CDH12: variants seen among roughly 807,000 people sequenced by gnomAD.
CDH12 encodes cadherin 12.
Under a neutral mutation model 74.1 loss-of-function variants are expected in CDH12, and 41 were observed. The ratio of observed to expected loss-of-function variants is 0.55; its 90% confidence interval spans 0.43 to 0.72. The LOEUF is 0.72. Among genes scored for constraint, CDH12 ranks in the 30% least tolerant of loss-of-function variants. The pLI is 0.00. For synonymous variants in CDH12, 399 were observed against 355.0 expected, an observed-to-expected ratio of 1.12 and a Z score of -1.39; for missense variants, 945 against 977.2, an observed-to-expected ratio of 0.97 and a Z score of 0.44.
rs1358597343 is a variant in CDH12, at chr5:22,684,242, C to T, written c.-523+168816G>A. Among the ~76,000 whole-genome samples, 3 of 152,098 alleles carry T rather than the reference C, an allele frequency of 2.0e-5. No individual in the cohort carries two copies. In the East Asian group the frequency reaches 5.8e-4, roughly 29 times the overall value. Reference sequence around the variant, plus strand: ...GACATTTTGATTCAGGCATGCAATGCACAGTTATCACATCATGGAGAATGG... The same window carrying T: ...GACATTTTGATTCAGGCATGCAATGTACAGTTATCACATCATGGAGAATGG... On this transcript the variant is annotated intron_variant, in intron 1 of 14. Coordinates refer to ENST00000382254, the MANE Select transcript of CDH12 (RefSeq NM_004061.5).
intron 1 of CDH12, among the ~76,000 whole-genome samples, chr5:22,716,656 G>A (rs978081191): frequency 2.6e-5 from 4 of 151,484 alleles, no homozygotes; most frequent in Admixed American, 6.6e-5. Context: ...CAGGTCCTTC[G>A]GGAGGTATCC....
chr5:22,145,080 G>A (rs1398697206), intron 4 of CDH12, among the ~76,000 whole-genome samples: 1 of 151,996 alleles, frequency 6.6e-6, no homozygotes, highest in African/African-American at 2.4e-5. Flanking sequence ...AAATTAAATT[G>A]CTTTTTGGAA....
intron 4 of CDH12, among the ~76,000 whole-genome samples, chr5:22,149,118 A>G (rs1339197212): frequency 6.6e-6 from 1 of 152,116 alleles, no homozygotes; most frequent in Admixed American, 6.6e-5. Context: ...CTCCGTCTCA[A>G]AAAATAAATA....
chr5:22,229,274 T>G (rs1373232656), intron 3 of CDH12, among the ~76,000 whole-genome samples: 1 of 151,834 alleles, frequency 6.6e-6, no homozygotes, highest in Non-Finnish European at 1.5e-5. Context: ...AGATGGATAC[T>G]TATACCCATT....
At chr5:22,298,220 T>A (rs1737712826) in intron 3 of CDH12, among the ~76,000 whole-genome samples, 1 of 151,334 alleles carries the variant, frequency 6.6e-6, no homozygotes, top group Admixed American at 6.6e-5. Flanking sequence ...TATACATATA[T>A]ACGCATTGTA....
Position 21,813,884 on chromosome 5 carries a change from A to G in CDH12, c.1002+3061T>C, listed in dbSNP as rs375694220. Among the ~76,000 whole-genome samples the G allele has an allele frequency of 2.4e-4, 37 of 152,196 alleles. No homozygotes were observed. The East Asian group carries it at 6.0e-3, about 25-fold the overall frequency. On this transcript the variant is annotated intron_variant, in intron 9 of 14. Transcript: ENST00000382254. ...CTTTAAGTCTTTCTAGCTTGAATTC[A>G]TCACTGCTGAAAGTGATTTCTAATT...
intron 3 of CDH12, among the ~76,000 whole-genome samples, chr5:22,338,737 A>C (rs748889652): frequency 1.3e-5 from 2 of 152,196 alleles, no homozygotes; most frequent in Non-Finnish European, 2.9e-5. Context: ...ACCTTTAAAC[A>C]TTTTAAAAAT....
chr5:21,979,702 A>G (rs1354497217), intron 5 of CDH12, among the ~76,000 whole-genome samples: 1 of 152,038 alleles, frequency 6.6e-6, no homozygotes, highest in East Asian at 1.9e-4. Flanking sequence ...GTATGTTGGG[A>G]GAAGGAACAA....
At chr5:21,820,585 A>T (rs1313941757) in intron 8 of CDH12, among the ~76,000 whole-genome samples, 1 of 152,030 alleles carries the variant, frequency 6.6e-6, no homozygotes, top group South Asian at 2.1e-4. Flanking sequence ...CATTAAGATA[A>T]GTGTTTCTTA....
chr5:21,938,748 A>ATATATATATC (rs1490336535), intron 6 of CDH12, among the ~76,000 whole-genome samples: 11 of 136,596 alleles, frequency 8.1e-5, no homozygotes, highest in African/African-American at 3.0e-4. Context: ...ATATATATAT[A>ATATATATATC]TCTTCTACAT....
intron 4 of CDH12, among the ~76,000 whole-genome samples, chr5:22,139,019 C>G (rs1289876761): frequency 1.3e-5 from 2 of 150,712 alleles, no homozygotes; most frequent in Non-Finnish European, 3.0e-5. Flanking sequence ...ACTCCTATAA[C>G]TTTTCTCCCA....
chr5:22,573,640 T>G (rs747488692), intron 1 of CDH12, among the ~76,000 whole-genome samples: 8 of 152,198 alleles, frequency 5.3e-5, no homozygotes, highest in Non-Finnish European at 1.0e-4. Context: ...GGTAAAATTA[T>G]ATTGATCTTT....
chr5:22,188,139 G>A (rs963117393), intron 4 of CDH12, among the ~76,000 whole-genome samples: 6 of 151,192 alleles, frequency 4.0e-5, no homozygotes, highest in African/African-American at 1.2e-4. Flanking sequence ...GGGTTGTGGG[G>A]GTGGATCCCT....
At chr5:22,822,585 C>T (rs1749764662) in intron 1 of CDH12, among the ~76,000 whole-genome samples, 1 of 152,166 alleles carries the variant, frequency 6.6e-6, no homozygotes, top group Non-Finnish European at 1.5e-5. Context: ...TATGAACAGA[C>T]ATTTCTCAAA....
intron 13 of CDH12, among the ~76,000 whole-genome samples, chr5:21,759,277 G>C (rs1473436299): frequency 1.3e-5 from 2 of 150,978 alleles, no homozygotes; most frequent in African/African-American, 4.9e-5. Context: ...AATGATTAGA[G>C]TTTCATTTAC....
chr5:21,941,020 A>C (rs1487819978), intron 6 of CDH12, among the ~76,000 whole-genome samples: 3 of 152,222 alleles, frequency 2.0e-5, no homozygotes, highest in African/African-American at 7.2e-5. Context: ...AGAGTCAAAG[A>C]CTTCCAAGCT....
At chr5:22,369,785 C>T (rs934932847) in intron 3 of CDH12, among the ~76,000 whole-genome samples, 2 of 152,088 alleles carry the variant, frequency 1.3e-5, no homozygotes, top group South Asian at 4.2e-4. Context: ...AATATTTTGT[C>T]CCTGTGTGCT....
At chr5:22,626,419 G>A (rs888568074) in intron 1 of CDH12, among the ~76,000 whole-genome samples, 2 of 152,102 alleles carry the variant, frequency 1.3e-5, no homozygotes, top group African/African-American at 4.8e-5. Context: ...AGCAGTTAGG[G>A]AATAAAGCTG....
intron 1 of CDH12, among the ~76,000 whole-genome samples, chr5:22,714,240 C>T (rs1057313212): frequency 1.5e-4 from 23 of 152,302 alleles, no homozygotes; most frequent in African/African-American, 5.5e-4. Flanking sequence ...TCTAACTAGG[C>T]TGTCAGTTAA....
Sources: allele counts gnomAD v4.1 joint callset (sites outside exome capture counted in the v4.1 genomes callset), GRCh38; gene constraint gnomAD v4.1.1; transcripts MANE v1.5; gene names NCBI Gene and HGNC (gene_info 2026-07-23, HGNC 2026-07-21).